ZNF638: variants seen among roughly 807,000 people sequenced by gnomAD.
ZNF638 encodes the protein CTCL tumor antigen se33-1.
Under a neutral mutation model 195.6 loss-of-function variants are expected in ZNF638, and 46 were observed. That is an observed-to-expected ratio of 0.24 (90% CI 0.19 to 0.30). ZNF638 has a LOEUF of 0.30. ZNF638 is among the 10% of genes least tolerant of loss of function. ZNF638 has a pLI of 1.00. For synonymous variants in ZNF638, 845 were observed against 772.0 expected (o/e 1.09, Z -1.57); for missense variants, 2,440 against 2,325.3 (o/e 1.05, Z -1.01).
chr2:71,422,840 A>G lies in ZNF638; in HGVS notation c.3326A>G (p.Asp1109Gly), dbSNP rs371774493. ...ESPGLKNSPI[D>G]ESEVQTATDS... ...CCTGGCTTGAAAAACAGTCCAATTG[A>G]TGAAAGTGAGGTGCAAACAGCAACT... The change falls in exon 22 of 28, where the codon GAT becomes GGT. Residue 1109 changes from aspartate to glycine, a missense_variant. Physicochemically the swap from Asp to Gly is moderately conservative, Grantham distance 94 (BLOSUM62 -1). Around this residue, in one of 5 missense-constraint regions of ZNF638, gnomAD observed 1,883 missense variants for 1,739.1 expected, o/e 1.08. Coordinates refer to ENST00000264447, the MANE Select transcript of ZNF638 (RefSeq NM_014497.5). The G allele has an allele frequency of 9.3e-6, 15 of 1,612,706 alleles. No individual in the cohort carries two copies. Among genetic ancestry groups the G allele is most frequent in the Non-Finnish European group, 1.3e-5 (15 of 1,179,416 alleles).
chr2:71,399,841 C>A (rs908993655), intron 13 of ZNF638, among the ~76,000 whole-genome samples, 196 bp downstream of exon 13: 5 of 152,156 alleles, frequency 3.3e-5, no homozygotes, highest in African/African-American at 1.2e-4. Context: ...TCGTCCCATC[C>A]TCCACCTTCC....
chr2:71,411,580 G>A (rs1464541879), intron 20 of ZNF638, among the ~76,000 whole-genome samples: 15 of 114,682 alleles, frequency 1.3e-4, no homozygotes, highest in African/African-American at 4.9e-4. Context: ...ACCCACTAAC[G>A]TGTCATCTAG....
In ZNF638 at chr2:71,423,947, T is replaced by C; in HGVS notation, c.4433T>C (p.Leu1478Pro). 6.2e-7 allele frequency: 1 copy of C among 1,614,080 alleles called. No individual in the cohort carries two copies. The highest frequency in any genetic ancestry group is 8.5e-7 in the Non-Finnish European group (1 of 1,179,994). ...SGRISALQGK[L>P]SKLDYRDITK... ...AGGATCTCAGCCCTGCAAGGCAAGC[T>C]TTCTAAACTGGATTACAGAGATATA... The change falls in exon 22 of 28, where the codon CTT (leucine) becomes CCT (proline). Residue 1478 changes from leucine to proline, a missense_variant. This residue lies in a region of ZNF638 where 1,883 missense variants were observed against 1,739.1 expected (regional missense o/e 1.08). Transcript: ENST00000264447.
At chr2:71,346,671 T>C (rs529326947) in intron 1 of ZNF638, among the ~76,000 whole-genome samples, 3 of 152,188 alleles carry the variant, frequency 2.0e-5, no homozygotes, top group Non-Finnish European at 2.9e-5. Flanking sequence ...AAAAAGACCA[T>C]GTGTGTGTGA....
At chr2:71,396,268 C>A in intron 11 of ZNF638, 77 bp downstream of exon 11, 1 of 1,197,616 alleles carries the variant, frequency 8.3e-7, no homozygotes. Context: ...CAGTAGTAGT[C>A]TTGGATTTCA....
chr2:71,372,219 G>A (rs2079327123), intron 8 of ZNF638, among the ~76,000 whole-genome samples: 1 of 152,114 alleles, frequency 6.6e-6, no homozygotes, highest in African/African-American at 2.4e-5. Flanking sequence ...AGTTGCCTAG[G>A]AGTTGTTGTC....
chr2:71,428,455 G>T, intron 24 of ZNF638, 92 bp from the exon 25 acceptor site: 2 of 1,172,606 alleles, frequency 1.7e-6, no homozygotes, highest in Non-Finnish European at 2.4e-6. Flanking sequence ...TTGCAAAAAT[G>T]TATAATGTTG....
At chr2:71,336,142 C>T (rs1364951136) in intron 1 of ZNF638, among the ~76,000 whole-genome samples, 1 of 152,094 alleles carries the variant, frequency 6.6e-6, no homozygotes, top group African/African-American at 2.4e-5. Flanking sequence ...GAGGCCGAGG[C>T]AGGCGGATCA....
At chr2:71,370,523 A>G (rs780515795) in intron 8 of ZNF638, among the ~76,000 whole-genome samples, 6 of 152,202 alleles carry the variant, frequency 3.9e-5, no homozygotes, top group Non-Finnish European at 7.3e-5. Context: ...ATATGATCGT[A>G]GATAATATCT....
intron 20 of ZNF638, among the ~76,000 whole-genome samples, chr2:71,417,838 A>T (rs1435582934): frequency 6.6e-6 from 1 of 152,140 alleles, no homozygotes; most frequent in African/African-American, 2.4e-5. Context: ...GGACTCAAAC[A>T]CCTATGCCAG....
At chr2:71,344,264 G>A (rs2078814437) in intron 1 of ZNF638, among the ~76,000 whole-genome samples, 1 of 152,178 alleles carries the variant, frequency 6.6e-6, no homozygotes, top group Non-Finnish European at 1.5e-5. Flanking sequence ...CCTTTACGTA[G>A]TAGTGTCCCT....
chr2:71,411,466 TATTTTTAA>T (rs2080222935), intron 20 of ZNF638, among the ~76,000 whole-genome samples: 1 of 103,454 alleles, frequency 9.7e-6, no homozygotes, highest in African/African-American at 3.0e-5. Context: ...TTTTATTTTT[TATTTTTAA>T]TTTTTTTTTT....
intron 9 of ZNF638, 32 bp from the exon 10 acceptor site, chr2:71,380,481 G>A: frequency 6.4e-7 from 1 of 1,565,318 alleles, no homozygotes; most frequent in East Asian, 2.3e-5. Flanking sequence ...GAATTCCTAA[G>A]TTGCTGCTAA....
chr2:71,389,882 A>C (rs1181584479), intron 10 of ZNF638, among the ~76,000 whole-genome samples: 2 of 152,220 alleles, frequency 1.3e-5, no homozygotes, highest in African/African-American at 4.8e-5. Flanking sequence ...CAATGCAGGC[A>C]GTCAGAGGAA....
chr2:71,383,281 CT>C (rs2079566835), intron 10 of ZNF638, among the ~76,000 whole-genome samples: 1 of 152,176 alleles, frequency 6.6e-6, no homozygotes, highest in South Asian at 2.1e-4. Flanking sequence ...TGCCACTGCA[CT>C]CCAGCCTGGG....
intron 8 of ZNF638, among the ~76,000 whole-genome samples, chr2:71,373,690 T>C (rs958046569): frequency 6.6e-6 from 1 of 152,092 alleles, no homozygotes; most frequent in Non-Finnish European, 1.5e-5. Flanking sequence ...AGTGCTGGGA[T>C]TACAGGCGTG....
chr2:71,431,651 T>A (rs1328691116), intron 26 of ZNF638, among the ~76,000 whole-genome samples: 2 of 151,634 alleles, frequency 1.3e-5, no homozygotes, highest in South Asian at 2.1e-4. Flanking sequence ...TCCAAGCTAC[T>A]CGGGAGGCTG....
intron 10 of ZNF638, chr2:71,388,617 G>T: frequency 3.7e-6 from 3 of 803,972 alleles, no homozygotes; most frequent in East Asian, 2.4e-5. Context: ...TCCGTCGCTC[G>T]GCCAGAGTCG....
At chr2:71,401,579 T>G (rs2080006114) in intron 15 of ZNF638, among the ~76,000 whole-genome samples, 1 of 151,796 alleles carries the variant, frequency 6.6e-6, no homozygotes, top group African/African-American at 2.4e-5. Flanking sequence ...GACAGCTGCT[T>G]GGGTGGCTGA....
Sources: gnomAD v4.1 joint callset for allele counts (sites outside exome capture counted in the v4.1 genomes callset) on GRCh38, gnomAD v4.1.1 for gene constraint, gnomAD v4.1.1 regional missense constraint, MANE v1.5 for transcripts, NCBI Gene and HGNC (gene_info 2026-07-23, HGNC 2026-07-21) for gene names.